DOCK1: variants seen among roughly 807,000 people sequenced by gnomAD.
DOCK1 encodes the protein dedicator of cytokinesis protein 1.
In DOCK1, 138 loss-of-function variants were observed where a neutral mutation model predicts 262.7. That is an observed-to-expected ratio of 0.53 (90% CI 0.46 to 0.61). The LOEUF (loss-of-function observed/expected upper bound fraction) is 0.61. Among genes scored for constraint, DOCK1 ranks in the 20% least tolerant of loss-of-function variants. The pLI is 0.00. For synonymous variants in DOCK1, 866 were observed against 867.4 expected (o/e 1.00, Z 0.03); for missense variants, 1,908 against 2,370.7 (o/e 0.80, Z 4.05).
At chr10:126,919,774 C>G (rs961946900) in intron 1 of DOCK1, among the ~76,000 whole-genome samples, 1 of 152,210 alleles carries the variant, frequency 6.6e-6, no homozygotes, top group Non-Finnish European at 1.5e-5. Flanking sequence ...CTCCGTGTCC[C>G]CTGCTAGACG....
At chr10:127,043,028 T>G (rs1334195528) in intron 20 of DOCK1, 36 bp from the exon 21 acceptor site, 3 of 1,481,318 alleles carry the variant, frequency 2.0e-6, no homozygotes, top group Non-Finnish European at 2.8e-6. Context: ...GCTTACATTA[T>G]GTTGCTAATG....
intron 27 of DOCK1, among the ~76,000 whole-genome samples, chr10:127,240,167 A>G (rs1222208398): frequency 6.6e-6 from 1 of 151,984 alleles, no homozygotes; most frequent in African/African-American, 2.4e-5. Context: ...TCAACTAAGC[A>G]CTCAGTTTAA....
chr10:127,189,423 C>T (rs776979126), intron 27 of DOCK1, among the ~76,000 whole-genome samples: 2 of 152,206 alleles, frequency 1.3e-5, no homozygotes, highest in Non-Finnish European at 2.9e-5. Context: ...TGTCCAGCCA[C>T]CTGCTAACTT....
chr10:126,992,352 A>C (rs1290939876), intron 6 of DOCK1, among the ~76,000 whole-genome samples: 1 of 152,218 alleles, frequency 6.6e-6, no homozygotes, highest in Non-Finnish European at 1.5e-5. Flanking sequence ...AGTGTTTCCA[A>C]ATACAGTTTA....
intron 29 of DOCK1, among the ~76,000 whole-genome samples, chr10:127,324,235 C>T (rs2062662172): frequency 6.6e-6 from 1 of 152,228 alleles, no homozygotes; most frequent in Non-Finnish European, 1.5e-5. Context: ...TCACCCGTCT[C>T]AAATTCAGTT....
At chr10:126,940,230 T>G (rs1372653189) in intron 1 of DOCK1, among the ~76,000 whole-genome samples, 1 of 152,216 alleles carries the variant, frequency 6.6e-6, no homozygotes, top group Non-Finnish European at 1.5e-5. Flanking sequence ...GTGATTTGCC[T>G]TGCTTTGTAA....
chr10:127,159,099 G>A (rs1448904414), intron 27 of DOCK1, among the ~76,000 whole-genome samples: 2 of 152,154 alleles, frequency 1.3e-5, no homozygotes, highest in African/African-American at 2.4e-5. Flanking sequence ...TAGACTCTGC[G>A]ACAGTGCATG....
At chr10:127,154,706 C>T (rs748734148) in intron 27 of DOCK1, among the ~76,000 whole-genome samples, 5 of 152,102 alleles carry the variant, frequency 3.3e-5, no homozygotes, top group Admixed American at 6.5e-5. Flanking sequence ...TCTGTCAGAC[C>T]CCTGAGGCCG....
intron 29 of DOCK1, among the ~76,000 whole-genome samples, chr10:127,317,180 C>A (rs2062321763): frequency 6.6e-6 from 1 of 152,096 alleles, no homozygotes; most frequent in East Asian, 1.9e-4. Context: ...TTTGTATGAT[C>A]CTGTGGGTAT....
intron 1 of DOCK1, among the ~76,000 whole-genome samples, chr10:126,946,133 C>T (rs2134294867): frequency 6.6e-6 from 1 of 152,244 alleles, no homozygotes; most frequent in South Asian, 2.1e-4. Context: ...ATAGAATTTT[C>T]CCCTTTAACC....
rs569520282 is a variant in DOCK1, at chr10:126,920,316, T to C, written c.46+14753T>C. ...TTAATAAAATGTTCCAGTAAAACAC[T>C]TTCCTAGTCCCCTTGTTGATACGTT... is the stretch of plus-strand genomic sequence containing the variant. On this transcript the variant is annotated intron_variant, in intron 1 of 51. Coordinates refer to ENST00000623213, the MANE Select transcript of DOCK1 (RefSeq NM_001290223.2). Among the ~76,000 whole-genome samples the C allele has an allele frequency of 2.0e-5, 3 of 152,368 alleles. No individual in the cohort carries two copies. The East Asian group carries it at 5.8e-4, about 29-fold the overall frequency.
chr10:127,353,319 T>G (rs1389483675), intron 31 of DOCK1, among the ~76,000 whole-genome samples: 1 of 152,156 alleles, frequency 6.6e-6, no homozygotes, highest in African/African-American at 2.4e-5. Flanking sequence ...CCCTTTGTCA[T>G]TAGTGCAGGA....
At chr10:126,909,821 T>G (rs1239569268) in intron 1 of DOCK1, among the ~76,000 whole-genome samples, 2 of 152,234 alleles carry the variant, frequency 1.3e-5, no homozygotes, top group Non-Finnish European at 2.9e-5. Flanking sequence ...ACTTTTTATT[T>G]AATAAAGCAT....
At chr10:127,010,877 A>G (rs1201828614) in intron 11 of DOCK1, among the ~76,000 whole-genome samples, 1 of 152,270 alleles carries the variant, frequency 6.6e-6, no homozygotes, top group African/African-American at 2.4e-5. Flanking sequence ...TGATGCCCAG[A>G]TGTAACACTA....
intron 6 of DOCK1, among the ~76,000 whole-genome samples, chr10:126,992,157 A>G (rs1471875001): frequency 6.6e-6 from 1 of 152,168 alleles, no homozygotes; most frequent in African/African-American, 2.4e-5. Context: ...CTGAGATATT[A>G]GCTATTGTTG....
intron 25 of DOCK1, among the ~76,000 whole-genome samples, chr10:127,122,363 T>C (rs1249466501): frequency 1.3e-5 from 2 of 152,152 alleles, no homozygotes; most frequent in Non-Finnish European, 2.9e-5. Context: ...AAGAGCCTCG[T>C]TGCCAGCCTG....
intron 27 of DOCK1, among the ~76,000 whole-genome samples, chr10:127,180,913 T>G (rs969244643): frequency 1.3e-5 from 2 of 152,208 alleles, no homozygotes; most frequent in Non-Finnish European, 2.9e-5. Context: ...TCGGAGAGAT[T>G]TATTTTTCCT....
At chr10:127,329,616 C>T (rs1180443715) in intron 29 of DOCK1, among the ~76,000 whole-genome samples, 3 of 152,052 alleles carry the variant, frequency 2.0e-5, no homozygotes, top group East Asian at 1.9e-4. Context: ...TCAGGCTTTG[C>T]CCTCTCTCGC....
intron 29 of DOCK1, among the ~76,000 whole-genome samples, chr10:127,328,119 CAAAA>C (rs11301683): frequency 5.5e-5 from 4 of 72,538 alleles, no homozygotes; most frequent in African/African-American, 1.3e-4. Context: ...TACAAATGGG[CAAAA>C]AAAAAAAAAA....
Sources: allele counts gnomAD v4.1 joint callset (sites outside exome capture counted in the v4.1 genomes callset), GRCh38; gene constraint gnomAD v4.1.1; transcripts MANE v1.5; gene names NCBI Gene and HGNC (gene_info 2026-07-23, HGNC 2026-07-21).